ERBB4: variants seen among roughly 807,000 people sequenced by gnomAD.
ERBB4 encodes erb-b2 receptor tyrosine kinase 4.
Under a neutral mutation model 158.0 loss-of-function variants are expected in ERBB4, and 42 were observed. The observed-to-expected ratio is 0.27, with a 90% CI of 0.21 to 0.34. The LOEUF is 0.34. Ranked by LOEUF, ERBB4 falls within the 10% of genes least tolerant of loss-of-function variation. The probability of loss-of-function intolerance (pLI) is 1.00; values close to 1 mark genes in which losing one functional copy is unlikely to be tolerated. For missense variants in ERBB4, 1,333 were observed against 1,624.1 expected, an observed-to-expected ratio of 0.82 and a Z score of 3.08; for synonymous variants, 583 against 558.7, an observed-to-expected ratio of 1.04 and a Z score of -0.61.
At chr2:211,489,274 T>G (rs988584003) in intron 20 of ERBB4, among the ~76,000 whole-genome samples, 4 of 152,050 alleles carry the variant, frequency 2.6e-5, no homozygotes, top group African/African-American at 7.2e-5. Flanking sequence ...CAGTTCATTA[T>G]GATGACTATA....
chr2:211,682,302 C>A (rs1162174061), intron 12 of ERBB4, among the ~76,000 whole-genome samples: 1 of 152,062 alleles, frequency 6.6e-6, no homozygotes, highest in African/African-American at 2.4e-5. Context: ...GGAGAAAGAT[C>A]AATGTTCTAG....
intron 20 of ERBB4, among the ~76,000 whole-genome samples, chr2:211,554,295 C>T (rs1225878966): frequency 2.6e-5 from 4 of 152,172 alleles, no homozygotes; most frequent in Admixed American, 6.5e-5. Flanking sequence ...CATCTATAAA[C>T]TGGGGAAATA....
At chr2:212,337,397 C>A (rs1488795313) in intron 1 of ERBB4, among the ~76,000 whole-genome samples, 1 of 152,064 alleles carries the variant, frequency 6.6e-6, no homozygotes, top group African/African-American at 2.4e-5. Context: ...ATGAGGATAG[C>A]TTTCAAGTCC....
intron 2 of ERBB4, among the ~76,000 whole-genome samples, chr2:211,987,330 C>CAAAAAAAAAAAAAAAAAA (rs564412801): frequency 6.9e-4 from 39 of 56,132 alleles, no homozygotes; most frequent in African/African-American, 1.3e-3. Flanking sequence ...CAAGAAAAGA[C>CAAAAAAAAAAAAAAAAAA]AAAAAAAAAA....
intron 1 of ERBB4, among the ~76,000 whole-genome samples, chr2:212,271,027 ACTG>A (rs1406364947): frequency 6.6e-6 from 1 of 151,820 alleles, no homozygotes; most frequent in Non-Finnish European, 1.5e-5. Flanking sequence ...TTTGCAGTGC[ACTG>A]CTATGTAGTA....
chr2:212,364,021 C>G (rs1420330068), intron 1 of ERBB4, among the ~76,000 whole-genome samples: 2 of 151,792 alleles, frequency 1.3e-5, no homozygotes, highest in Non-Finnish European at 3.0e-5. Flanking sequence ...TGACACAATT[C>G]TACACATCTC....
intron 2 of ERBB4, among the ~76,000 whole-genome samples, chr2:212,053,070 C>A (rs972332219): frequency 6.6e-6 from 1 of 152,100 alleles, no homozygotes; most frequent in Admixed American, 6.5e-5. Flanking sequence ...TAAAGCCCAG[C>A]ACATTGAGAG....
chr2:211,759,917 TTTGGATGATATTAAATAAATA>T (rs2075368952), intron 4 of ERBB4, among the ~76,000 whole-genome samples: 1 of 151,970 alleles, frequency 6.6e-6, no homozygotes, highest in Non-Finnish European at 1.5e-5. Flanking sequence ...TCCTAAACAT[TTTGGATGATATTAAATAAATA>T]TAATTTTATT....
chr2:212,415,144 G>T (rs1057284871), intron 1 of ERBB4, among the ~76,000 whole-genome samples: 2 of 152,170 alleles, frequency 1.3e-5, no homozygotes, highest in Non-Finnish European at 2.9e-5. Context: ...CGTCACTTAC[G>T]TACTTTGGTA....
intron 2 of ERBB4, among the ~76,000 whole-genome samples, chr2:212,106,026 AC>A (rs2079216714): frequency 6.6e-6 from 1 of 152,220 alleles, no homozygotes; most frequent in Non-Finnish European, 1.5e-5. Context: ...TTTTTAAATT[AC>A]ACAGTCTCAG....
intron 25 of ERBB4, among the ~76,000 whole-genome samples, chr2:211,407,596 G>C (rs2063172112): frequency 6.6e-6 from 1 of 152,246 alleles, no homozygotes; most frequent in South Asian, 2.1e-4. Context: ...TGCTGCAAGA[G>C]ATATAGTCAT....
intron 1 of ERBB4, among the ~76,000 whole-genome samples, chr2:212,142,119 T>C (rs566026551): frequency 3.3e-5 from 5 of 152,306 alleles, no homozygotes; most frequent in African/African-American, 1.2e-4. Flanking sequence ...TATCAATTTA[T>C]GGATTTATCT....
chr2:211,975,784 A>G (rs530172737), intron 2 of ERBB4, among the ~76,000 whole-genome samples: 62 of 152,296 alleles, frequency 4.1e-4, no homozygotes, highest in Non-Finnish European at 6.9e-4. Context: ...TATAAATGCC[A>G]ATGAATTTAT....
intron 1 of ERBB4, among the ~76,000 whole-genome samples, chr2:212,524,892 A>C (rs1395196133): frequency 2.0e-5 from 3 of 152,066 alleles, no homozygotes; most frequent in African/African-American, 7.2e-5. Context: ...CGTAATGTCA[A>C]AGGCACATTA....
chr2:211,434,880 T>A (rs982413737), intron 20 of ERBB4, among the ~76,000 whole-genome samples: 6 of 152,186 alleles, frequency 3.9e-5, no homozygotes, highest in Non-Finnish European at 1.5e-5. Context: ...CTATGAAACA[T>A]CATTATACAG....
chr2:212,053,836 A>C (rs2077473793), intron 2 of ERBB4, among the ~76,000 whole-genome samples: 1 of 151,802 alleles, frequency 6.6e-6, no homozygotes. Flanking sequence ...ATTCTTCCAC[A>C]GGGTTTTTAT....
At chr2:211,864,737 G>A (rs953037755) in intron 3 of ERBB4, among the ~76,000 whole-genome samples, 5 of 152,062 alleles carry the variant, frequency 3.3e-5, no homozygotes, top group African/African-American at 7.2e-5. Flanking sequence ...AGTTCCAGGC[G>A]GGCAGATCAC....
chr2:211,722,451 C>T lies in ERBB4; in HGVS notation c.825G>A (p.Leu275=). Residue 275 remains leucine, a synonymous_variant, in exon 7 of 28, where the codon CTG becomes CTA. Transcript: ENST00000342788. ...TFVYNPTTFQ[L]EHNFNAKYTY... is the part of the protein sequence containing the mutation. ...TGTACTTTGCATTGAAATTGTGCTC[C>T]AGTTGAAAGGTGGTTGGATTGTAGA... The T allele has an allele frequency of 6.2e-7, 1 of 1,613,690 alleles. No individual in the cohort carries two copies. The highest frequency in any genetic ancestry group is 8.5e-7 in the Non-Finnish European group (1 of 1,179,668).
chr2:212,497,545 T>C (rs1335199505), intron 1 of ERBB4, among the ~76,000 whole-genome samples: 1 of 152,178 alleles, frequency 6.6e-6, no homozygotes, highest in Admixed American at 6.6e-5. Flanking sequence ...CAAATACCTT[T>C]GTTAATGATG....
Sources: allele counts gnomAD v4.1 joint callset (sites outside exome capture counted in the v4.1 genomes callset), GRCh38; gene constraint gnomAD v4.1.1; transcripts MANE v1.5; gene names NCBI Gene and HGNC (gene_info 2026-07-23, HGNC 2026-07-21).